Variants in NTAN1 observed in about 807,000 individuals in gnomAD.
NTAN1 encodes N-terminal asparagine amidase.
NTAN1 carries 32 observed loss-of-function variants against 41.9 expected under a neutral mutation model. The ratio of observed to expected loss-of-function variants is 0.76; its 90% confidence interval spans 0.58 to 1.03. The LOEUF is 1.03. Among genes scored for constraint, NTAN1 ranks in the 50% least tolerant of loss-of-function variants. The pLI is 0.00. For missense variants in NTAN1, 377 were observed against 377.5 expected, an observed-to-expected ratio of 1.00 and a Z score of 0.01; for synonymous variants, 140 against 139.5, an observed-to-expected ratio of 1.00 and a Z score of -0.03.
Position 15,048,084 on chromosome 16 carries a change from G to A in NTAN1, c.97C>T (p.Leu33Phe). ...HPPLEERARL[L>F]RGQSVQQVGP... ...ACTTGTTGAACAGACTGACCTCTGA[G>A]AAGTCTGGCTCTTTCCTGTTTAATT... The change falls in exon 2 of 10, where the codon CTC (leucine) becomes TTC (phenylalanine). Residue 33 changes from leucine (L) to phenylalanine (F), a missense_variant. Leu to Phe is a conservative substitution (Grantham distance 22). Coordinates refer to ENST00000287706, the MANE Select transcript of NTAN1 (RefSeq NM_173474.4). 1.2e-6 allele frequency: 2 copies of A among 1,603,960 alleles called. No individual in the cohort carries two copies. Among genetic ancestry groups the A allele is most frequent in the East Asian group, 4.5e-5 (2 of 44,852 alleles).
chr16:15,048,166 G>A (rs2044151975), intron 1 of NTAN1, 67 bp from the exon 2 acceptor site: 1 of 1,163,390 alleles, frequency 8.6e-7, no homozygotes, highest in South Asian at 1.4e-5. Flanking sequence ...TAAAGATGTG[G>A]AGAGAGCCAA....
intron 4 of NTAN1, among the ~76,000 whole-genome samples, chr16:15,047,009 G>A (rs1014094467): frequency 3.9e-5 from 6 of 152,040 alleles, no homozygotes; most frequent in African/African-American, 2.4e-5. Flanking sequence ...TCTCGGCTTC[G>A]GAATACAAAC....
intron 6 of NTAN1, 121 bp downstream of exon 6, chr16:15,041,501 CG>C: frequency 5.1e-6 from 4 of 778,570 alleles, no homozygotes; most frequent in Non-Finnish European, 4.7e-6. Flanking sequence ...CAGGAAGAGC[CG>C]GAACAGATGG....
At chr16:15,054,878 A>T (rs2044440609) in intron 1 of NTAN1, among the ~76,000 whole-genome samples, 1 of 152,210 alleles carries the variant, frequency 6.6e-6, no homozygotes, top group Admixed American at 6.5e-5. Flanking sequence ...TACAGCTGTG[A>T]CAGATGAAAC....
intron 5 of NTAN1, among the ~76,000 whole-genome samples, chr16:15,042,001 T>A (rs1308516841): frequency 6.6e-6 from 1 of 152,196 alleles, no homozygotes; most frequent in Non-Finnish European, 1.5e-5. Flanking sequence ...CTAACTAAAC[T>A]GTTTTCCTGA....
At chr16:15,041,225 G>A in intron 6 of NTAN1, 104 bp from the exon 7 acceptor site, 1 of 775,458 alleles carries the variant, frequency 1.3e-6, no homozygotes, top group Non-Finnish European at 2.2e-6. Flanking sequence ...ATGCAGAAAG[G>A]GAGGAAAATT....
intron 1 of NTAN1, among the ~76,000 whole-genome samples, chr16:15,055,562 C>T (rs191529736): frequency 7.9e-5 from 12 of 152,362 alleles, no homozygotes; most frequent in Admixed American, 7.2e-4. Context: ...ACGGACCCAG[C>T]CCTATGGGGG....
rs772120982 is a variant in NTAN1, at chr16:15,041,110, G to A, written c.499C>T (p.Arg167Trp). Residue 167 changes from arginine to tryptophan, a missense_variant, in exon 7 of 10, where the codon CGG becomes TGG. Arg to Trp is a moderately radical substitution (Grantham distance 101, BLOSUM62 -3). Coordinates refer to ENST00000287706, the MANE Select transcript of NTAN1 (RefSeq NM_173474.4). ...VTLCVTELNDREENENHFPVI... is the reference protein window; with the variant it reads ...VTLCVTELNDWEENENHFPVI... ...GGAAAGTGGTTTTCGTTTTCTTCCC[G>A]GTCATTTAATTCTACAAAATAAGAA... 2.8e-5 allele frequency: 44 copies of A among 1,567,372 alleles called. No homozygotes were observed. Among genetic ancestry groups the A allele is most frequent in the Middle Eastern group, 3.3e-4 (2 of 5,992 alleles).
chr16:15,041,083 C>A lies in NTAN1; in HGVS notation c.526G>T (p.Val176Leu). The A allele has an allele frequency of 1.2e-6, 2 of 1,601,208 alleles. No individual in the cohort carries two copies. Among genetic ancestry groups the A allele is most frequent in the Non-Finnish European group, 1.7e-6 (2 of 1,168,142 alleles). The change falls in exon 7 of 10, where the codon GTA (valine) becomes TTA (leucine). Residue 176 changes from valine (V) to leucine (L), a missense_variant. Physicochemically the swap from Val to Leu is conservative, Grantham distance 32 (BLOSUM62 1). Transcript: ENST00000287706. ...DREENENHFP[V>L]IYGIAVNIKT... ...CACTACTTACCAATGCCATATATTA[C>A]TGGAAAGTGGTTTTCGTTTTCTTCC...
chr16:15,047,314 G>A (rs542630919), intron 4 of NTAN1, 128 bp downstream of exon 4: 2 of 692,814 alleles, frequency 2.9e-6, no homozygotes, highest in South Asian at 1.7e-5. Context: ...GCCAGGTTCT[G>A]TTCCAGGGGA....
chr16:15,056,018 G>T lies in NTAN1; in HGVS notation c.-47C>A. On this transcript the variant is annotated 5_prime_UTR_variant, in exon 1 of 10. Coordinates refer to ENST00000287706, the MANE Select transcript of NTAN1 (RefSeq NM_173474.4). ...AGGCCCAGGGAGGCGGCGGCCCCCC[G>T]CTTTGCAGCCCCGGGCCGCCCGCCG... 4 of 1,021,072 alleles carry T rather than the reference G, an allele frequency of 3.9e-6. No individual in the cohort carries two copies. The highest frequency in any genetic ancestry group is 9.5e-5 in the South Asian group (2 of 21,078). 63.3% of individuals were successfully genotyped at this position (1,021,072 alleles called of 1,614,324 possible).
At chr16:15,053,233 A>T (rs1272557268) in intron 1 of NTAN1, among the ~76,000 whole-genome samples, 1 of 152,064 alleles carries the variant, frequency 6.6e-6, no homozygotes. Context: ...TGGCTTCACC[A>T]CTCCCAGGAT....
intron 1 of NTAN1, 102 bp from the exon 2 acceptor site, chr16:15,048,201 C>G: frequency 2.7e-6 from 2 of 739,024 alleles, no homozygotes; most frequent in South Asian, 1.8e-5. Context: ...GGGCAGCACG[C>G]TAGTGTGTGG....
rs181323318 is a variant in NTAN1 at position 15,049,769 on chromosome 16, A to G, written c.82-1670T>C. ...GCAAAAAGCTGGGAGCAGCAATGGA[A>G]AAGGTAAGTAAATTGGGCACAGAAC... On this transcript the variant is annotated intron_variant, in intron 1 of 9. Transcript: ENST00000287706. 2.0e-4 allele frequency among the ~76,000 whole-genome samples: 31 copies of G among 152,326 alleles called. No homozygotes were observed. The East Asian group carries it at 6.0e-3, about 29-fold the overall frequency.
intron 1 of NTAN1, 153 bp downstream of exon 1, chr16:15,055,738 G>C: frequency 5.0e-6 from 2 of 398,996 alleles, no homozygotes; most frequent in South Asian, 2.7e-4. Context: ...AAAACTCCCC[G>C]ACCCCTCAAG....
At chr16:15,051,625 C>T (rs1413485495) in intron 1 of NTAN1, among the ~76,000 whole-genome samples, 1 of 152,090 alleles carries the variant, frequency 6.6e-6, no homozygotes, top group Non-Finnish European at 1.5e-5. Flanking sequence ...GCTGGAACCA[C>T]AGGCGCACGC....
In NTAN1 at chr16:15,047,285, G is replaced by C. The variant is rs555107612; in HGVS notation, c.359+157C>G. On this transcript the variant is annotated intron_variant, in intron 4 of 9. Transcript: ENST00000287706. ...CCCACTCATTCACTCAACCACTGCT[G>C]ACGCAGTGCCCACGTCGTGCCAGGT... 1.1e-5 allele frequency: 7 copies of C among 623,650 alleles called. No homozygotes were observed. In the East Asian group the frequency reaches 1.4e-4, roughly 12 times the overall value. The allele number at this position is 623,650 out of a possible 1,614,324, so 38.6% of individuals were successfully genotyped here. A position where few individuals can be genotyped will look rare whatever the true frequency, so the allele number is the denominator to read the frequency against.
chr16:15,055,790 C>A (rs1186620966), intron 1 of NTAN1, 101 bp downstream of exon 1: 2 of 623,836 alleles, frequency 3.2e-6, no homozygotes, highest in African/African-American at 3.8e-5. Context: ...GATGTGCCAA[C>A]AGCGCCAAGT....
chr16:15,055,985 G>T lies in NTAN1; in HGVS notation c.-14C>A, dbSNP rs1180043691. ...GAGCAGCGGCATCGCGGAGGCGGCC[G>T]CCCAGGCAGGCCCAGGGAGGCGGCG... is the stretch of plus-strand genomic sequence containing the variant. On this transcript the variant is annotated 5_prime_UTR_variant, in exon 1 of 10. Coordinates refer to ENST00000287706, the MANE Select transcript of NTAN1 (RefSeq NM_173474.4). 8.3e-7 allele frequency: 1 copy of T among 1,202,630 alleles called. No homozygotes were observed. Among genetic ancestry groups the T allele is most frequent in the Middle Eastern group, 3.2e-4 (1 of 3,094 alleles). 74.5% of individuals were successfully genotyped at this position (1,202,630 alleles called of 1,614,324 possible).
Sources: gnomAD v4.1 joint callset for allele counts (sites outside exome capture counted in the v4.1 genomes callset) on GRCh38, gnomAD v4.1.1 for gene constraint, MANE v1.5 for transcripts, NCBI Gene and HGNC (gene_info 2026-07-23, HGNC 2026-07-21) for gene names.